TRHDE: variants seen among roughly 807,000 people sequenced by gnomAD.
TRHDE encodes thyrotropin releasing hormone degrading enzyme, also known as thyrotropin-releasing hormone-degrading ectoenzyme.
TRHDE carries 72 observed loss-of-function variants against 125.7 expected under a neutral mutation model. The ratio of observed to expected loss-of-function variants is 0.57; its 90% CI spans 0.47 to 0.70. The LOEUF is 0.70. TRHDE is among the 30% of genes least tolerant of loss of function. The pLI is 0.00. For synonymous variants in TRHDE, 509 were observed against 509.1 expected, an observed-to-expected ratio of 1.00 and a Z score of 0.00; for missense variants, 1,110 against 1,327.1, an observed-to-expected ratio of 0.84 and a Z score of 2.54.
At position 72,585,262 on chromosome 12, in the gene TRHDE, C is replaced by G. The variant is rs906386713; in HGVS notation, c.2321+9720C>G. ...TCTTTTCTCTTTCTTCTTTGTCTTA[C>G]ATTTTAAACACTAATCTAAGTCTGT... On this transcript the variant is annotated intron_variant, in intron 12 of 18. Transcript: ENST00000261180. 2.6e-5 allele frequency among the ~76,000 whole-genome samples: 4 copies of G among 152,240 alleles called. No homozygotes were observed. The East Asian group carries it at 7.7e-4, about 29-fold the overall frequency.
chr12:72,464,718 T>C (rs1488183959), intron 3 of TRHDE, among the ~76,000 whole-genome samples: 5 of 152,172 alleles, frequency 3.3e-5, no homozygotes, highest in Admixed American at 3.3e-4. Context: ...GCCTACCATA[T>C]GATAATTCTC....
At chr12:72,231,383 A>G (rs1040252478) in intron 2 of TRHDE, among the ~76,000 whole-genome samples, 1 of 152,178 alleles carries the variant, frequency 6.6e-6, no homozygotes, top group African/African-American at 2.4e-5. Context: ...GACAAAATTT[A>G]CTTGCTTAAG....
At chr12:72,507,751 C>T (rs1878413052) in intron 6 of TRHDE, among the ~76,000 whole-genome samples, 1 of 152,164 alleles carries the variant, frequency 6.6e-6, no homozygotes, top group Non-Finnish European at 1.5e-5. Flanking sequence ...ATAGCCAAGA[C>T]AATGGGGAAA....
rs138023188 is a variant in TRHDE at position 72,214,358 on chromosome 12, G to A, written n.279+108606G>A. 4.8e-3 allele frequency among the ~76,000 whole-genome samples: 729 copies of A among 152,264 alleles called. 5 individuals are homozygous for A. Among genetic ancestry groups the A allele is most frequent in the African/African-American group, 0.016 (679 of 41,564 alleles). On this transcript the variant is annotated intron_variant and non_coding_transcript_variant, in intron 2 of 4. Transcript: ENST00000548156. ...TATTTCACTGGCACTAAGGCAAAAT[G>A]TTGCGTAATTCCTCCTTTAGGTTAC...
chr12:72,329,533 A>T (rs1172570827), intron 2 of TRHDE, among the ~76,000 whole-genome samples: 1 of 152,228 alleles, frequency 6.6e-6, no homozygotes, highest in African/African-American at 2.4e-5. Flanking sequence ...TAACATTTTA[A>T]AGGCAAGTAA....
intron 6 of TRHDE, among the ~76,000 whole-genome samples, chr12:72,533,485 T>C (rs1868670524): frequency 1.3e-5 from 2 of 152,260 alleles, no homozygotes; most frequent in Admixed American, 1.3e-4. Flanking sequence ...AAATTATTTC[T>C]TCTAATCTGA....
At chr12:72,489,198 C>T (rs537600261) in intron 5 of TRHDE, among the ~76,000 whole-genome samples, 12 of 144,256 alleles carry the variant, frequency 8.3e-5, no homozygotes, top group African/African-American at 3.1e-4. Flanking sequence ...TAGAAAAAAT[C>T]AATAAGACTT....
At chr12:72,268,599 T>A (rs1193985699), upstream of TRHDE, among the ~76,000 whole-genome samples, 1 of 152,084 alleles carries the variant, frequency 6.6e-6, no homozygotes, top group African/African-American at 2.4e-5. Context: ...TTTACTCACA[T>A]GTGAAGAGAC....
chr12:72,605,994 A>G (rs1242382577), intron 12 of TRHDE, among the ~76,000 whole-genome samples: 3 of 152,212 alleles, frequency 2.0e-5, no homozygotes, highest in East Asian at 1.9e-4. Context: ...TGTACAATCT[A>G]CATGAGACAG....
chr12:72,361,048 C>A (rs767432380), intron 2 of TRHDE, among the ~76,000 whole-genome samples: 2 of 151,618 alleles, frequency 1.3e-5, no homozygotes, highest in Non-Finnish European at 2.9e-5. Context: ...TCTCATTGTT[C>A]GGCTCCCACT....
chr12:72,313,076 AT>A, intron 2 of TRHDE, among the ~76,000 whole-genome samples: 2 of 152,200 alleles, frequency 1.3e-5, no homozygotes, highest in South Asian at 2.1e-4. Context: ...AAACATTAAA[AT>A]TTTTTATAGT....
chr12:72,564,358 G>C (rs1265513504), intron 9 of TRHDE, among the ~76,000 whole-genome samples: 1 of 152,152 alleles, frequency 6.6e-6, no homozygotes, highest in Non-Finnish European at 1.5e-5. Context: ...CTCTGGCCTT[G>C]CCAGGAAGTA....
At chr12:72,164,639 C>T (rs1251463665) in intron 2 of TRHDE, among the ~76,000 whole-genome samples, 1 of 152,138 alleles carries the variant, frequency 6.6e-6, no homozygotes, top group African/African-American at 2.4e-5. Flanking sequence ...CAGCAGCGAG[C>T]TGGACAAGAT....
At chr12:72,227,207 G>A (rs1667262392) in intron 2 of TRHDE, among the ~76,000 whole-genome samples, 1 of 152,090 alleles carries the variant, frequency 6.6e-6, no homozygotes, top group African/African-American at 2.4e-5. Context: ...CTTTTCTCAT[G>A]CTGCTAATAA....
rs547558697 is a variant in TRHDE at position 72,421,634 on chromosome 12, A to G, written c.1315+43513A>G. ...CAAAGGGAAGGGAATTTGCAAAATC[A>G]TGTCGTAAAAGACCTTGTGGGGTGG... is the stretch of plus-strand genomic sequence containing the variant. On this transcript the variant is annotated intron_variant, in intron 3 of 18. Transcript: ENST00000261180. Among the ~76,000 whole-genome samples the G allele has an allele frequency of 3.3e-5, 5 of 152,322 alleles. No individual in the cohort carries two copies. In the East Asian group the frequency reaches 7.7e-4, roughly 23 times the overall value.
At chr12:72,279,914 T>TA (rs1565682339) in intron 1 of TRHDE, among the ~76,000 whole-genome samples, 1 of 152,086 alleles carries the variant, frequency 6.6e-6, no homozygotes, top group Admixed American at 6.5e-5. Context: ...ACTACACAAC[T>TA]AAAAAAAGAA....
rs115575583 is a variant in TRHDE, at chr12:72,304,114, T to C, written c.1188+17160T>C. Among the ~76,000 whole-genome samples, 475 of 152,312 alleles carry C rather than the reference T, an allele frequency of 3.1e-3. 2 individuals are homozygous for C. Among genetic ancestry groups the C allele is most frequent in the African/African-American group, 0.011 (457 of 41,568 alleles). ...ATGTTAAATAGCTTCTATCTGGTTCTACAGGCATTTTCCACTAGACTAATT... is the reference window on the plus strand; with the variant it reads ...ATGTTAAATAGCTTCTATCTGGTTCCACAGGCATTTTCCACTAGACTAATT... On this transcript the variant is annotated intron_variant, in intron 2 of 18. Coordinates refer to ENST00000261180, the MANE Select transcript of TRHDE (RefSeq NM_013381.3).
intron 3 of TRHDE, among the ~76,000 whole-genome samples, chr12:72,421,055 A>G (rs372267697): frequency 9.2e-4 from 139 of 151,106 alleles, no homozygotes; most frequent in African/African-American, 3.0e-3. Context: ...TGCAAGCTCC[A>G]CCTCCCAGGT....
At chr12:72,252,040 A>C (rs906812774) in intron 2 of TRHDE, among the ~76,000 whole-genome samples, 2 of 152,108 alleles carry the variant, frequency 1.3e-5, no homozygotes, top group Non-Finnish European at 2.9e-5. Context: ...TCTAGATACT[A>C]GTCCTTTGTC....
Sources: allele counts gnomAD v4.1 joint callset (sites outside exome capture counted in the v4.1 genomes callset), GRCh38; gene constraint gnomAD v4.1.1; transcripts MANE v1.5; gene names NCBI Gene and HGNC (gene_info 2026-07-23, HGNC 2026-07-21).